PIP4P2: variants seen among roughly 807,000 people sequenced by gnomAD.
PIP4P2 encodes phosphatidylinositol-4,5-bisphosphate 4-phosphatase 2, also known as type 2 phosphatidylinositol 4,5-bisphosphate 4-phosphatase.
In PIP4P2, 19 loss-of-function variants were observed where a neutral mutation model predicts 33.3. That is an observed-to-expected ratio of 0.57 (90% CI 0.40 to 0.84). PIP4P2 has a LOEUF of 0.84. PIP4P2 is among the 40% of genes least tolerant of loss of function. The pLI, the probability that PIP4P2 is intolerant of heterozygous loss-of-function variation, is 0.00. For missense variants in PIP4P2, 270 were observed against 324.7 expected (o/e 0.83, Z 1.29); for synonymous variants, 110 against 111.9 (o/e 0.98, Z 0.11).
chr8:91,015,224 T>C (rs528757714), intron 4 of PIP4P2, among the ~76,000 whole-genome samples: 1 of 152,258 alleles, frequency 6.6e-6, no homozygotes, highest in Admixed American at 6.5e-5. Context: ...TTAGAGGATC[T>C]TTCCCCAGAG....
intron 4 of PIP4P2, among the ~76,000 whole-genome samples, chr8:91,011,464 C>T (rs935675027): frequency 5.3e-5 from 8 of 152,036 alleles, no homozygotes; most frequent in African/African-American, 1.7e-4. Context: ...CCCTTCAAAT[C>T]ACCACTCAGG....
chr8:91,010,949 A>G (rs2130359756), intron 4 of PIP4P2, among the ~76,000 whole-genome samples: 1 of 66,920 alleles, frequency 1.5e-5, no homozygotes, highest in African/African-American at 5.7e-5. Flanking sequence ...CTAATCTTAG[A>G]AGATTTGTAA....
intron 4 of PIP4P2, among the ~76,000 whole-genome samples, chr8:91,018,018 A>G (rs1214569174): frequency 6.6e-6 from 1 of 152,188 alleles, no homozygotes; most frequent in Non-Finnish European, 1.5e-5. Flanking sequence ...CTCAATCTAG[A>G]AGCCATGAAG....
At chr8:91,007,260 C>G (rs957683722) in intron 5 of PIP4P2, among the ~76,000 whole-genome samples, 10 of 152,106 alleles carry the variant, frequency 6.6e-5, no homozygotes, top group African/African-American at 2.4e-4. Flanking sequence ...ATTAATTTCA[C>G]AAATAAAAAA....
intron 1 of PIP4P2, among the ~76,000 whole-genome samples, chr8:91,023,198 T>G (rs1450971572): frequency 6.6e-6 from 1 of 150,916 alleles, no homozygotes; most frequent in African/African-American, 2.4e-5. Context: ...TGAATATTAT[T>G]TTAATAATTA....
chr8:91,021,052 C>A (rs55869203), intron 2 of PIP4P2, among the ~76,000 whole-genome samples: 4,960 of 152,172 alleles, frequency 0.033, 262 homozygotes, highest in African/African-American at 0.11. Flanking sequence ...TTAAATTCAC[C>A]ATGAAATTCT....
rs2130343292 is a variant in PIP4P2, at chr8:90,994,309, T to C, written c.*1368A>G. ...ATCTTTATTAGTGTATTTTTAAAGG[T>C]ACATATAATCCTGAGCTACAGCATT... On this transcript the variant is annotated 3_prime_UTR_variant, in exon 7 of 7. Coordinates refer to ENST00000285419, the MANE Select transcript of PIP4P2 (RefSeq NM_018710.3). 1 of 152,230 alleles carries C rather than the reference T, an allele frequency of 6.6e-6. No individual in the cohort carries two copies. The highest frequency in any genetic ancestry group is 1.9e-4 in the East Asian group (1 of 5,184). The allele number at this position is 152,230 out of a possible 1,614,324, so 9.4% of individuals were successfully genotyped here.
rs542801251 is a variant in PIP4P2, at chr8:91,023,016, T to C, written c.107-1612A>G. Among the ~76,000 whole-genome samples the C allele has an allele frequency of 6.6e-5, 10 of 152,214 alleles. No individual in the cohort carries two copies. In the South Asian group the frequency reaches 1.4e-3, roughly 22 times the overall value. ...TTTGAGCGTGATCCAGAGTGACCTGTAATGTATTAATCAAGAAGAAAAAAA... is the reference window on the plus strand; with the variant it reads ...TTTGAGCGTGATCCAGAGTGACCTGCAATGTATTAATCAAGAAGAAAAAAA... On this transcript the variant is annotated intron_variant, in intron 1 of 6. Coordinates refer to ENST00000285419, the MANE Select transcript of PIP4P2 (RefSeq NM_018710.3).
chr8:91,002,177 T>G (rs1462848592), intron 5 of PIP4P2, among the ~76,000 whole-genome samples: 2 of 152,140 alleles, frequency 1.3e-5, no homozygotes, highest in Non-Finnish European at 2.9e-5. Context: ...AGTGTTGGCA[T>G]ATACCTTCAG....
At chr8:91,027,740 T>A (rs1812101956) in intron 1 of PIP4P2, among the ~76,000 whole-genome samples, 1 of 152,200 alleles carries the variant, frequency 6.6e-6, no homozygotes, top group Non-Finnish European at 1.5e-5. Context: ...TGGTCTTACA[T>A]TTAGTGAGGC....
At chr8:91,029,309 A>C (rs763883723) in intron 1 of PIP4P2, among the ~76,000 whole-genome samples, 6 of 152,056 alleles carry the variant, frequency 3.9e-5, no homozygotes, top group Non-Finnish European at 8.8e-5. Flanking sequence ...AAAAAAAAAA[A>C]GAAATTACTA....
intron 4 of PIP4P2, 145 bp downstream of exon 4, chr8:91,018,245 T>C (rs1322233216): frequency 1.5e-6 from 2 of 1,309,548 alleles, no homozygotes; most frequent in Non-Finnish European, 2.1e-6. Flanking sequence ...CTAGTTGCAC[T>C]TCTGATTGTC....
chr8:91,024,421 T>C (rs1342311061), intron 1 of PIP4P2: 4 of 361,466 alleles, frequency 1.1e-5, no homozygotes, highest in Non-Finnish European at 2.2e-5. Context: ...TGGATTATTA[T>C]AGATTAAACC....
chr8:91,039,907 T>C (rs1812281526), intron 1 of PIP4P2, among the ~76,000 whole-genome samples: 1 of 152,176 alleles, frequency 6.6e-6, no homozygotes, highest in Non-Finnish European at 1.5e-5. Context: ...AATAGAAATA[T>C]ATGTATTATT....
chr8:91,014,119 C>G (rs1377349660), intron 4 of PIP4P2, among the ~76,000 whole-genome samples: 1 of 151,924 alleles, frequency 6.6e-6, no homozygotes, highest in East Asian at 1.9e-4. Flanking sequence ...AATTTTTGGA[C>G]AATGGAAAGC....
chr8:91,017,674 A>ATG, intron 4 of PIP4P2, among the ~76,000 whole-genome samples: 1 of 152,112 alleles, frequency 6.6e-6, no homozygotes, highest in South Asian at 2.1e-4. Flanking sequence ...TTAGACTCCC[A>ATG]TGTGTATACT....
At chr8:90,998,027 G>A (rs1450128164) in intron 5 of PIP4P2, among the ~76,000 whole-genome samples, 1 of 151,996 alleles carries the variant, frequency 6.6e-6, no homozygotes, top group East Asian at 1.9e-4. Flanking sequence ...TTGCTATCTA[G>A]AGTTACTAGG....
chr8:91,020,136 G>A, intron 3 of PIP4P2, 21 bp downstream of exon 3: 1 of 1,605,670 alleles, frequency 6.2e-7, no homozygotes, highest in Non-Finnish European at 8.5e-7. Flanking sequence ...ATGAATCAAT[G>A]AATTAATCTT....
At chr8:91,010,455 T>C (rs191576420) in intron 4 of PIP4P2, among the ~76,000 whole-genome samples, 3 of 151,990 alleles carry the variant, frequency 2.0e-5, no homozygotes, top group African/African-American at 4.8e-5. Flanking sequence ...AATGTTATCA[T>C]TTTATAGTGT....
Sources: gnomAD v4.1 joint callset for allele counts (sites outside exome capture counted in the v4.1 genomes callset) on GRCh38, gnomAD v4.1.1 for gene constraint, MANE v1.5 for transcripts, NCBI Gene and HGNC (gene_info 2026-07-23, HGNC 2026-07-21) for gene names.